IL1RAPL1: variants seen among roughly 807,000 people sequenced by gnomAD.
IL1RAPL1 encodes interleukin-1 receptor accessory protein-like 1.
IL1RAPL1 carries 3 observed loss-of-function variants against 48.4 expected under a neutral mutation model. The ratio of observed to expected loss-of-function variants is 0.06; its 90% CI spans 0.03 to 0.16. IL1RAPL1 has a LOEUF of 0.16. Among genes scored for constraint, IL1RAPL1 ranks in the 10% least tolerant of loss-of-function variants. The probability of loss-of-function intolerance (pLI) is 1.00; values close to 1 mark genes in which losing one functional copy is unlikely to be tolerated. For missense variants in IL1RAPL1, 349 were observed against 530.6 expected (o/e 0.66, Z 3.36); for synonymous variants, 185 against 187.7 (o/e 0.99, Z 0.12).
intron 5 of IL1RAPL1, among the ~76,000 whole-genome samples, chrX:29,552,453 ATATCGTTACATACCAT>A (rs1220377776): frequency 9.0e-6 from 1 of 111,238 alleles, no homozygotes; most frequent in Non-Finnish European, 1.9e-5. Flanking sequence ...TGGGACAACT[ATATCGTTACATACCAT>A]GGTTTCACTC....
At position 29,805,255 on chromosome X, in the gene IL1RAPL1, A is replaced by G. The variant is rs373108095; in HGVS notation, c.779-112209A>G. ...ATTACACTGGGACACATGTACTTCT[A>G]TTTCTGTAACATATCACTCATCATT... is the stretch of plus-strand genomic sequence containing the variant. On this transcript the variant is annotated intron_variant, in intron 6 of 10. Coordinates refer to ENST00000378993, the MANE Select transcript of IL1RAPL1 (RefSeq NM_014271.4). 8.3e-4 allele frequency among the ~76,000 whole-genome samples: 93 copies of G among 112,037 alleles called. 2 individuals are homozygous for G. The highest frequency in any genetic ancestry group is 2.4e-3 in the Admixed American group (25 of 10,510).
At chrX:29,433,679 C>G (rs1441686950) in intron 5 of IL1RAPL1, among the ~76,000 whole-genome samples, 1 of 111,185 alleles carries the variant, frequency 9.0e-6, no homozygotes, top group African/African-American at 3.2e-5. Flanking sequence ...CTTTGCCAAA[C>G]TTATAGACAC....
intron 2 of IL1RAPL1, among the ~76,000 whole-genome samples, chrX:28,801,351 T>C (rs144994894): frequency 9.0e-6 from 1 of 111,369 alleles, no homozygotes; most frequent in Non-Finnish European, 1.9e-5. Flanking sequence ...TCTTTTTTTT[T>C]CCAATCAAAA....
At chrX:28,794,043 A>C (rs1326064539) in intron 2 of IL1RAPL1, among the ~76,000 whole-genome samples, 1 of 111,439 alleles carries the variant, frequency 9.0e-6, no homozygotes, top group Non-Finnish European at 1.9e-5. Context: ...CAGGACCAAA[A>C]CGATATTAGA....
intron 6 of IL1RAPL1, among the ~76,000 whole-genome samples, chrX:29,801,021 A>C (rs1346809611): frequency 3.9e-5 from 3 of 76,776 alleles, no homozygotes; most frequent in African/African-American, 9.7e-5. Context: ...AAAAAAAAAA[A>C]AAAAAAAAAA....
intron 2 of IL1RAPL1, among the ~76,000 whole-genome samples, chrX:29,059,083 AC>A (rs1927285901): frequency 8.9e-6 from 1 of 112,002 alleles, no homozygotes; most frequent in Admixed American, 9.5e-5. Context: ...GGAAATTTTC[AC>A]CGTGCAACTC....
chrX:29,766,693 TTAATATA>T (rs892529713), intron 6 of IL1RAPL1, among the ~76,000 whole-genome samples: 4 of 60,790 alleles, frequency 6.6e-5, no homozygotes, highest in Non-Finnish European at 1.0e-4. Flanking sequence ...AAAGTATATA[TTAATATA>T]TAATATATAA....
chrX:29,156,525 G>A (rs964599968), intron 2 of IL1RAPL1, among the ~76,000 whole-genome samples: 9 of 111,724 alleles, frequency 8.1e-5, no homozygotes, highest in Admixed American at 3.8e-4. Flanking sequence ...TATCTTTAGC[G>A]ATTCCTTTCC....
intron 2 of IL1RAPL1, among the ~76,000 whole-genome samples, chrX:29,282,510 A>G (rs1320128090): frequency 8.9e-6 from 1 of 112,006 alleles, no homozygotes; most frequent in Non-Finnish European, 1.9e-5. Flanking sequence ...AAGTGAGCAC[A>G]TTGAAAATAG....
intron 2 of IL1RAPL1, among the ~76,000 whole-genome samples, chrX:29,131,559 T>C (rs714934): frequency 0.01 from 1,135 of 111,179 alleles, 15 homozygotes; most frequent in African/African-American, 0.035. Context: ...CAGTTAGCAC[T>C]TCTGGGACTA....
intron 2 of IL1RAPL1, among the ~76,000 whole-genome samples, chrX:28,873,067 C>G (rs1199611894): frequency 5.0e-5 from 5 of 100,562 alleles, no homozygotes; most frequent in African/African-American, 1.8e-4. Context: ...ATCCTAGACT[C>G]TCTACTCAGA....
chrX:28,707,304 A>G (rs1012460435), intron 1 of IL1RAPL1, among the ~76,000 whole-genome samples: 5 of 112,355 alleles, frequency 4.5e-5, no homozygotes, highest in Non-Finnish European at 7.5e-5. Flanking sequence ...TGGTAAATAA[A>G]TAGTTCAGTT....
At chrX:29,476,801 G>A (rs930439706) in intron 5 of IL1RAPL1, among the ~76,000 whole-genome samples, 1 of 106,130 alleles carries the variant, frequency 9.4e-6, no homozygotes, top group Non-Finnish European at 1.9e-5. Context: ...CATTTATATA[G>A]CACTTCCTAT....
intron 2 of IL1RAPL1, among the ~76,000 whole-genome samples, chrX:29,180,471 G>A (rs1930121953): frequency 9.1e-6 from 1 of 109,351 alleles, no homozygotes; most frequent in Non-Finnish European, 1.9e-5. Flanking sequence ...CCACCTCCCG[G>A]GTTCAAGCAA....
At position 29,755,532 on chromosome X, in the gene IL1RAPL1, A is replaced by T. The variant is rs1928590098; in HGVS notation, c.778+87028A>T. 3.6e-5 allele frequency among the ~76,000 whole-genome samples: 4 copies of T among 112,138 alleles called. No individual in the cohort carries two copies. The South Asian group carries it at 1.5e-3, about 41-fold the overall frequency. ...ACACCTCCAATATTATTTTTCAATT[A>T]TTGTTTACATAGTTTTCTCTCCCGT... On this transcript the variant is annotated intron_variant, in intron 6 of 10. Coordinates refer to ENST00000378993, the MANE Select transcript of IL1RAPL1 (RefSeq NM_014271.4).
intron 5 of IL1RAPL1, among the ~76,000 whole-genome samples, chrX:29,629,057 G>T (rs1473604925): frequency 1.8e-5 from 2 of 111,526 alleles, no homozygotes; most frequent in African/African-American, 3.3e-5. Flanking sequence ...CCTTTGAAAG[G>T]CTCCAGAAAC....
chrX:28,927,606 T>G (rs1005126085), intron 2 of IL1RAPL1, among the ~76,000 whole-genome samples: 1 of 110,588 alleles, frequency 9.0e-6, no homozygotes, highest in Admixed American at 9.6e-5. Context: ...TCTTTCCTCC[T>G]TTCCTTCCTT....
chrX:29,357,886 G>A (rs1410833344), intron 3 of IL1RAPL1, among the ~76,000 whole-genome samples: 1 of 112,016 alleles, frequency 8.9e-6, no homozygotes, highest in Non-Finnish European at 1.9e-5. Flanking sequence ...TTGTTGAAGA[G>A]TGAATAGCTG....
chrX:29,498,262 T>C (rs994083058), intron 5 of IL1RAPL1, among the ~76,000 whole-genome samples: 1 of 111,887 alleles, frequency 8.9e-6, no homozygotes, highest in Non-Finnish European at 1.9e-5. Context: ...TTCCTCACTC[T>C]AGGTGGCTGC....
Sources: gnomAD v4.1 joint callset for allele counts (sites outside exome capture counted in the v4.1 genomes callset) on GRCh38, gnomAD v4.1.1 for gene constraint, MANE v1.5 for transcripts, NCBI Gene and HGNC (gene_info 2026-07-23, HGNC 2026-07-21) for gene names.